The following TRPC6 variants were observed in gnomAD, a reference collection of about 807,000 sequenced individuals.
TRPC6 encodes the protein short transient receptor potential channel 6.
A neutral mutation model predicts 90.7 loss-of-function variants in TRPC6; 55 were observed. That is an observed-to-expected ratio of 0.61 (90% CI 0.49 to 0.76). TRPC6 has a LOEUF of 0.76. Ranked by LOEUF, TRPC6 falls within the 30% of genes least tolerant of loss-of-function variation. The pLI is 0.00. For missense variants in TRPC6, 989 were observed against 1,122.7 expected, an observed-to-expected ratio of 0.88 and a Z score of 1.70; for synonymous variants, 393 against 393.0, an observed-to-expected ratio of 1.00 and a Z score of 0.00.
intron 1 of TRPC6, among the ~76,000 whole-genome samples, chr11:101,543,457 C>A (rs758945563): frequency 6.6e-6 from 1 of 152,094 alleles, no homozygotes; most frequent in Non-Finnish European, 1.5e-5. Flanking sequence ...CATCATGCTA[C>A]CTGACTTCAA....
intron 1 of TRPC6, among the ~76,000 whole-genome samples, chr11:101,561,137 C>CA (rs2136866170): frequency 6.6e-6 from 1 of 152,186 alleles, no homozygotes. Context: ...TTGAGTCATC[C>CA]AATCATTATA....
At chr11:101,555,181 C>A (rs1456683929) in intron 1 of TRPC6, among the ~76,000 whole-genome samples, 3 of 152,154 alleles carry the variant, frequency 2.0e-5, no homozygotes, top group Admixed American at 6.6e-5. Flanking sequence ...ACAACTAAAT[C>A]TCTTTTTGAT....
chr11:101,465,502 T>TTCTAA (rs1161315086), intron 10 of TRPC6, among the ~76,000 whole-genome samples: 1 of 152,180 alleles, frequency 6.6e-6, no homozygotes, highest in African/African-American at 2.4e-5. Flanking sequence ...ATTCTTTTTT[T>TTCTAA]TCTAATCTTG....
At chr11:101,569,502 T>C (rs1036726320) in intron 1 of TRPC6, among the ~76,000 whole-genome samples, 3 of 152,140 alleles carry the variant, frequency 2.0e-5, no homozygotes, top group African/African-American at 7.2e-5. Context: ...TGAACTCAGC[T>C]CTGGACCAAT....
chr11:101,504,816 G>A lies in TRPC6; in HGVS notation c.171-18C>T. On this transcript the variant is annotated intron_variant, in intron 1 of 12. Transcript: ENST00000344327. ...ATCCCCGGCTGCAATAAAACAGAAAGATTGTAAACAAATCACATTAAGAGC... is the reference window on the plus strand; with the variant it reads ...ATCCCCGGCTGCAATAAAACAGAAAAATTGTAAACAAATCACATTAAGAGC... 1 of 1,610,974 alleles carries A rather than the reference G, an allele frequency of 6.2e-7. No individual in the cohort carries two copies. The highest frequency in any genetic ancestry group is 8.5e-7 in the Non-Finnish European group (1 of 1,178,710).
At chr11:101,492,030 G>A (rs1238103633) in intron 2 of TRPC6, among the ~76,000 whole-genome samples, 1 of 151,496 alleles carries the variant, frequency 6.6e-6, no homozygotes, top group Middle Eastern at 3.2e-3. Flanking sequence ...TAGTAGAGAC[G>A]GGATTTCACC....
At chr11:101,553,045 CAGGAAGTAGAGTATTAAT>C (rs1861482980) in intron 1 of TRPC6, among the ~76,000 whole-genome samples, 2 of 151,958 alleles carry the variant, frequency 1.3e-5, no homozygotes, top group Non-Finnish European at 2.9e-5. Flanking sequence ...TGCAGAAATT[CAGGAAGTAGAGTATTAAT>C]GGGAAGTAAG....
chr11:101,502,942 A>G (rs1458743260), intron 2 of TRPC6, among the ~76,000 whole-genome samples: 1 of 149,036 alleles, frequency 6.7e-6, no homozygotes, highest in African/African-American at 2.5e-5. Flanking sequence ...AAAAGAGTAT[A>G]GAAACAAGCA....
At chr11:101,475,774 G>A (rs749861412) in intron 6 of TRPC6, among the ~76,000 whole-genome samples, 1 of 151,396 alleles carries the variant, frequency 6.6e-6, no homozygotes, top group Non-Finnish European at 1.5e-5. Context: ...GATGTCTTCC[G>A]AGTTCATTCA....
intron 1 of TRPC6, among the ~76,000 whole-genome samples, chr11:101,565,283 A>G (rs1367464943): frequency 2.0e-5 from 3 of 152,088 alleles, no homozygotes; most frequent in Non-Finnish European, 4.4e-5. Flanking sequence ...AAAACTACAT[A>G]ATATTCAGAA....
chr11:101,500,720 G>A (rs1314355085), intron 2 of TRPC6, among the ~76,000 whole-genome samples: 1 of 151,908 alleles, frequency 6.6e-6, no homozygotes, highest in Non-Finnish European at 1.5e-5. Context: ...TATATAAAGG[G>A]ATTTTAAGAG....
At position 101,558,494 on chromosome 11, in the gene TRPC6, CACAT is replaced by C. The variant is rs1319574764; in HGVS notation, c.170+24836_170+24839del. ...ACACACACACACACACACACACACA[CACAT>C]ATACTAATCAGTGAAACAGAATAGA... On this transcript the variant is annotated intron_variant, in intron 1 of 12. Coordinates refer to ENST00000344327, the MANE Select transcript of TRPC6 (RefSeq NM_004621.6). Among the ~76,000 whole-genome samples the C allele has an allele frequency of 1.7e-3, 207 of 125,102 alleles. 75 individuals are homozygous for C. The highest frequency in any genetic ancestry group is 5.7e-3 in the African/African-American group (195 of 34,108). The allele number at this position is 125,102 out of a possible 152,430, so 82.1% of individuals were successfully genotyped here. A position where few individuals can be genotyped will look rare whatever the true frequency, so the allele number is the denominator to read the frequency against.
At chr11:101,458,151 CTT>C (rs1858927112) in intron 10 of TRPC6, among the ~76,000 whole-genome samples, 1 of 152,142 alleles carries the variant, frequency 6.6e-6, no homozygotes, top group Admixed American at 6.6e-5. Flanking sequence ...AACATTCAAA[CTT>C]TGAAGTACAG....
In TRPC6 at chr11:101,469,627, G is replaced by A. The variant is rs548913105; in HGVS notation, c.2410-126C>T. 133 of 598,188 alleles carry A rather than the reference G, an allele frequency of 2.2e-4. No homozygotes were observed. The South Asian group carries it at 2.5e-3, about 11-fold the overall frequency. The allele number at this position is 598,188 out of a possible 1,614,324, so 37.1% of individuals were successfully genotyped here. On this transcript the variant is annotated intron_variant, in intron 9 of 12. Coordinates refer to ENST00000344327, the MANE Select transcript of TRPC6 (RefSeq NM_004621.6). ...AATGAGAGAAACATATTCTTACGGG[G>A]TTCTTCCCTTTGCAAGTGCTTGCTT...
chr11:101,528,086 T>C (rs1263191830), intron 1 of TRPC6, among the ~76,000 whole-genome samples: 3 of 152,054 alleles, frequency 2.0e-5, no homozygotes, highest in South Asian at 2.1e-4. Context: ...AAAATATATA[T>C]ATATATTTGT....
intron 2 of TRPC6, among the ~76,000 whole-genome samples, chr11:101,492,581 T>TA (rs35149876): frequency 2.7e-4 from 40 of 149,632 alleles, no homozygotes; most frequent in South Asian, 6.3e-4. Context: ...AGACCCTGTC[T>TA]AAAAAAAAAA....
At position 101,452,443 on chromosome 11, in the gene TRPC6, T is replaced by TAA. The variant is rs1294868782; in HGVS notation, c.*510_*511dup. ...GGTATCAATCATGTGCATTGAGGGA[T>TAA]AAGTAGGGTAAATGGTGTTTAAACA... is the stretch of plus-strand genomic sequence containing the variant. On this transcript the variant is annotated 3_prime_UTR_variant, in exon 13 of 13. Transcript: ENST00000344327. The TAA allele has an allele frequency of 1.9e-5, 3 of 158,406 alleles. No individual in the cohort carries two copies. Among genetic ancestry groups the TAA allele is most frequent in the Non-Finnish European group, 1.4e-5 (1 of 71,624 alleles). 9.8% of individuals were successfully genotyped at this position (158,406 alleles called of 1,614,324 possible).
At chr11:101,469,038 C>T (rs923816627) in intron 10 of TRPC6, among the ~76,000 whole-genome samples, 8 of 152,138 alleles carry the variant, frequency 5.3e-5, no homozygotes, top group Admixed American at 4.6e-4. Flanking sequence ...TGCCTTTTTC[C>T]ATCGCTTCTT....
intron 1 of TRPC6, among the ~76,000 whole-genome samples, chr11:101,561,725 T>C (rs1161310859): frequency 1.3e-5 from 2 of 151,726 alleles, no homozygotes; most frequent in East Asian, 3.9e-4. Flanking sequence ...ACCCTAAAAT[T>C]CATAATCATG....
Sources: gnomAD v4.1 joint callset for allele counts (sites outside exome capture counted in the v4.1 genomes callset) on GRCh38, gnomAD v4.1.1 for gene constraint, MANE v1.5 for transcripts, NCBI Gene and HGNC (gene_info 2026-07-23, HGNC 2026-07-21) for gene names.